SNAP91: variants seen among roughly 807,000 people sequenced by gnomAD.
The protein encoded by SNAP91 is synaptosome associated protein 91, also known as clathrin coat assembly protein AP180.
SNAP91 carries 27 observed loss-of-function variants against 100.3 expected under a neutral mutation model. The observed-to-expected ratio is 0.27, with a 90% CI of 0.20 to 0.37. The LOEUF (loss-of-function observed/expected upper bound fraction) is 0.37. SNAP91 is among the 10% of genes least tolerant of loss of function. SNAP91 has a pLI of 1.00. For missense variants in SNAP91, 986 were observed against 1,123.7 expected (o/e 0.88, Z 1.75); for synonymous variants, 404 against 398.6 (o/e 1.01, Z -0.16).
chr6:83,554,738 A>G (rs998983025), intron 29 of SNAP91, among the ~76,000 whole-genome samples: 1 of 152,164 alleles, frequency 6.6e-6, no homozygotes, highest in Non-Finnish European at 1.5e-5. Context: ...GTGACAGAAT[A>G]GAAGAGAACA....
chr6:83,590,334 G>T (rs1227941097), intron 22 of SNAP91, among the ~76,000 whole-genome samples: 1 of 152,088 alleles, frequency 6.6e-6, no homozygotes, highest in Non-Finnish European at 1.5e-5. Flanking sequence ...CTAGGTCAAG[G>T]CTATCACTAA....
intron 24 of SNAP91, among the ~76,000 whole-genome samples, chr6:83,580,135 G>T (rs1825934053): frequency 6.6e-6 from 1 of 152,100 alleles, no homozygotes; most frequent in Admixed American, 6.5e-5. Context: ...ATTTCCAAAT[G>T]AAATGGAAAG....
At chr6:83,686,055 G>T in intron 2 of SNAP91, 1 of 535,462 alleles carries the variant, frequency 1.9e-6, no homozygotes, top group Non-Finnish European at 2.4e-6. Flanking sequence ...TACCCCAAGC[G>T]TCTAGACCAG....
rs190190139 is a variant in SNAP91, at chr6:83,630,418, G to A, written c.766-7076C>T. 3.8e-4 allele frequency among the ~76,000 whole-genome samples: 58 copies of A among 152,188 alleles called. No homozygotes were observed. The East Asian group carries it at 9.8e-3, about 26-fold the overall frequency. ...CTATCTTGCGGAATAGTGTCAATAG[G>A]ATTGATACCAACTCTTCTTTCAATG... On this transcript the variant is annotated intron_variant, in intron 8 of 29. Transcript: ENST00000369694.
chr6:83,654,714 T>C (rs7768906), intron 7 of SNAP91, among the ~76,000 whole-genome samples: 1 of 152,204 alleles, frequency 6.6e-6, no homozygotes, highest in African/African-American at 2.4e-5. Flanking sequence ...TCCATCACAT[T>C]CTCAGTATAC....
At chr6:83,563,291 C>T (rs1409571355) in intron 26 of SNAP91, among the ~76,000 whole-genome samples, 1 of 152,116 alleles carries the variant, frequency 6.6e-6, no homozygotes, top group Non-Finnish European at 1.5e-5. Flanking sequence ...CAATGATCAT[C>T]TCAATAGATG....
At chr6:83,563,975 CT>C (rs1010166884) in intron 26 of SNAP91, among the ~76,000 whole-genome samples, 1 of 151,904 alleles carries the variant, frequency 6.6e-6, no homozygotes, top group South Asian at 2.1e-4. Flanking sequence ...ATTTCAACCA[CT>C]TTTTTTTGGA....
At chr6:83,565,821 G>A (rs1795759739) in intron 26 of SNAP91, among the ~76,000 whole-genome samples, 1 of 152,098 alleles carries the variant, frequency 6.6e-6, no homozygotes, top group Non-Finnish European at 1.5e-5. Flanking sequence ...AACAATTGTT[G>A]GGAGGATATA....
intron 8 of SNAP91, among the ~76,000 whole-genome samples, chr6:83,627,547 CG>C (rs2096991778): frequency 6.6e-6 from 1 of 151,946 alleles, no homozygotes; most frequent in Non-Finnish European, 1.5e-5. Flanking sequence ...AGACCAATAA[CG>C]GAGTTTCAAC....
At chr6:83,598,151 C>CT in intron 16 of SNAP91, among the ~76,000 whole-genome samples, 1 of 152,250 alleles carries the variant, frequency 6.6e-6, no homozygotes, top group East Asian at 1.9e-4. Flanking sequence ...GTAAAATTTG[C>CT]ATCAGTATAA....
chr6:83,638,133 G>T (rs1196962972), intron 8 of SNAP91, among the ~76,000 whole-genome samples: 1 of 152,146 alleles, frequency 6.6e-6, no homozygotes, highest in Non-Finnish European at 1.5e-5. Context: ...GAGCGCCTTG[G>T]GGGATGGGCA....
chr6:83,649,214 G>C (rs531344145), intron 7 of SNAP91, among the ~76,000 whole-genome samples: 5 of 152,306 alleles, frequency 3.3e-5, no homozygotes, highest in Admixed American at 1.3e-4. Context: ...GGCTTAGCTG[G>C]ATGATTCTGG....
chr6:83,633,201 TG>T (rs1231519556), intron 8 of SNAP91, among the ~76,000 whole-genome samples: 2 of 152,178 alleles, frequency 1.3e-5, no homozygotes, highest in Non-Finnish European at 2.9e-5. Context: ...AGGCTGGTAC[TG>T]GGGGGTTGTC....
intron 2 of SNAP91, among the ~76,000 whole-genome samples, chr6:83,685,303 A>T (rs1481539509): frequency 6.6e-6 from 1 of 152,184 alleles, no homozygotes; most frequent in Non-Finnish European, 1.5e-5. Flanking sequence ...AATGGAAAAA[A>T]TCCTGCTTCT....
intron 8 of SNAP91, 117 bp downstream of exon 8, chr6:83,640,979 G>A (rs929939334): frequency 7.3e-6 from 4 of 549,566 alleles, no homozygotes; most frequent in South Asian, 6.9e-5. Context: ...CTGTGACTCC[G>A]AGGCACTTCC....
chr6:83,555,274 A>G (rs1256452041), intron 29 of SNAP91, among the ~76,000 whole-genome samples: 1 of 152,170 alleles, frequency 6.6e-6, no homozygotes, highest in East Asian at 1.9e-4. Context: ...ACATTAGGGA[A>G]GGGTTTTAAG....
chr6:83,674,199 C>G (rs1160682142), intron 2 of SNAP91, among the ~76,000 whole-genome samples: 3 of 152,052 alleles, frequency 2.0e-5, no homozygotes, highest in African/African-American at 7.2e-5. Flanking sequence ...CCGAGGCGGG[C>G]GGATCACTTG....
chr6:83,591,139 AT>A, intron 22 of SNAP91, 71 bp downstream of exon 22: 1 of 1,012,036 alleles, frequency 9.9e-7, no homozygotes, highest in East Asian at 2.6e-5. Flanking sequence ...AATTTATGTA[AT>A]TTTTATAATT....
intron 2 of SNAP91, 141 bp downstream of exon 2, chr6:83,707,657 G>C: frequency 8.7e-7 from 1 of 1,151,032 alleles, no homozygotes; most frequent in South Asian, 1.5e-5. Flanking sequence ...CACCTTCACA[G>C]CTGAAGAATT....
Sources: gnomAD v4.1 joint callset for allele counts (sites outside exome capture counted in the v4.1 genomes callset) on GRCh38, gnomAD v4.1.1 for gene constraint, MANE v1.5 for transcripts, NCBI Gene and HGNC (gene_info 2026-07-23, HGNC 2026-07-21) for gene names.